Variants in PTPRD observed in about 807,000 individuals in gnomAD.
PTPRD encodes the protein protein tyrosine phosphatase receptor type D.
A neutral mutation model predicts 214.5 loss-of-function variants in PTPRD; 34 were observed. That is an observed-to-expected ratio of 0.16 (90% CI 0.12 to 0.21). The LOEUF (loss-of-function observed/expected upper bound fraction) is 0.21, where lower values mean the gene tolerates loss of function less well. Among genes scored for constraint, PTPRD ranks in the 10% least tolerant of loss-of-function variants. The probability of loss-of-function intolerance (pLI) is 1.00; values close to 1 mark genes in which losing one functional copy is unlikely to be tolerated. For missense variants in PTPRD, 2,545 were observed against 2,398.7 expected (o/e 1.06, Z -1.27); for synonymous variants, 1,128 against 845.7 (o/e 1.33, Z -5.79).
In PTPRD at chr9:10,329,721, C is replaced by T. The variant is rs181137244; in HGVS notation, c.-545+11242G>A. On this transcript the variant is annotated intron_variant, in intron 3 of 45. Transcript: ENST00000381196. ...GACACCTATAATCTTACAACATGCA[C>T]ACAACTTTACTGACTTACTACAGTG... Among the ~76,000 whole-genome samples, 37 of 151,944 alleles carry T rather than the reference C, an allele frequency of 2.4e-4. No homozygotes were observed. The East Asian group carries it at 6.4e-3, about 26-fold the overall frequency.
At position 10,562,659 on chromosome 9, in the gene PTPRD, T is replaced by C. The variant is rs185569651; in HGVS notation, c.-600+49739A>G. Among the ~76,000 whole-genome samples the C allele has an allele frequency of 5.3e-5, 8 of 152,268 alleles. No homozygotes were observed. In the East Asian group the frequency reaches 7.7e-4, roughly 15 times the overall value. ...TATTTTCCATATATTTATAGAAAAC[T>C]GTAATGTTAATTGTAATGTGCCATG... On this transcript the variant is annotated intron_variant, in intron 2 of 45. Transcript: ENST00000381196.
intron 12 of PTPRD, among the ~76,000 whole-genome samples, chr9:8,664,838 G>C (rs1025547): frequency 6.6e-6 from 1 of 151,968 alleles, no homozygotes; most frequent in Non-Finnish European, 1.5e-5. Flanking sequence ...TGAGTCCCAT[G>C]GTTTTATCAC....
At chr9:9,872,384 G>A (rs1231938821) in intron 5 of PTPRD, among the ~76,000 whole-genome samples, 1 of 152,056 alleles carries the variant, frequency 6.6e-6, no homozygotes, top group African/African-American at 2.4e-5. Flanking sequence ...AGAATTGCTT[G>A]AGCATAGGAG....
At chr9:9,952,070 G>A (rs2093505068) in intron 4 of PTPRD, among the ~76,000 whole-genome samples, 1 of 152,126 alleles carries the variant, frequency 6.6e-6, no homozygotes, top group Non-Finnish European at 1.5e-5. Context: ...CAGAGGCTGA[G>A]GATGGTAGTA....
intron 14 of PTPRD, among the ~76,000 whole-genome samples, chr9:8,563,200 TGA>T (rs1347980926): frequency 6.6e-6 from 1 of 152,024 alleles, no homozygotes; most frequent in Non-Finnish European, 1.5e-5. Flanking sequence ...AGTGACAGGG[TGA>T]TGACTGTTTG....
intron 7 of PTPRD, among the ~76,000 whole-genome samples, chr9:9,700,647 TAC>T (rs141436192): frequency 0.011 from 1,669 of 152,226 alleles, 29 homozygotes; most frequent in African/African-American, 0.038. Flanking sequence ...GATGATGAAT[TAC>T]AGTCATATAC....
chr9:9,610,353 T>C (rs1164283913), intron 7 of PTPRD, among the ~76,000 whole-genome samples: 3 of 152,176 alleles, frequency 2.0e-5, no homozygotes, highest in African/African-American at 7.2e-5. Context: ...GGTAAATTAG[T>C]ATTGAGTTAT....
intron 3 of PTPRD, among the ~76,000 whole-genome samples, chr9:10,188,170 C>T (rs999806369): frequency 6.6e-6 from 1 of 152,072 alleles, no homozygotes. Flanking sequence ...GCTATTCACC[C>T]TTTTCCTGCC....
At chr9:8,415,677 A>T (rs1484826066) in intron 35 of PTPRD, among the ~76,000 whole-genome samples, 1 of 152,182 alleles carries the variant, frequency 6.6e-6, no homozygotes, top group Non-Finnish European at 1.5e-5. Flanking sequence ...TCTGTGTATT[A>T]ACATATCTAA....
chr9:9,374,869 A>C (rs552808588), intron 9 of PTPRD, among the ~76,000 whole-genome samples: 1 of 152,202 alleles, frequency 6.6e-6, no homozygotes, highest in African/African-American at 2.4e-5. Flanking sequence ...CATGAAAGAA[A>C]TTATTGTTAT....
At chr9:8,697,619 C>T (rs2097950708) in intron 12 of PTPRD, among the ~76,000 whole-genome samples, 1 of 151,532 alleles carries the variant, frequency 6.6e-6, no homozygotes, top group African/African-American at 2.4e-5. Context: ...GATGAGTTTT[C>T]ACCATGTTGG....
chr9:10,607,430 T>C (rs2079734477), intron 2 of PTPRD, among the ~76,000 whole-genome samples: 1 of 151,944 alleles, frequency 6.6e-6, no homozygotes, highest in South Asian at 2.1e-4. Flanking sequence ...TAAGTCCTAT[T>C]TTGAAGAGAA....
intron 6 of PTPRD, among the ~76,000 whole-genome samples, chr9:9,745,286 C>T (rs1248142504): frequency 6.6e-6 from 1 of 151,968 alleles, no homozygotes; most frequent in Non-Finnish European, 1.5e-5. Context: ...ATGCTGTGGA[C>T]TATGCTAAAT....
rs139896045 is a variant in PTPRD at position 9,239,076 on chromosome 9, C to G, written c.-202-55713G>C. The stretch of plus-strand genomic sequence containing the variant: ...ACTCCTTCTTAGAAGAACTTGCAAT[C>G]TCCCTGTGCCCATGAGATGTAAATC... On this transcript the variant is annotated intron_variant, in intron 9 of 45. Coordinates refer to ENST00000381196, the MANE Select transcript of PTPRD (RefSeq NM_002839.4). Among the ~76,000 whole-genome samples the G allele has an allele frequency of 4.5e-3, 688 of 152,176 alleles. 3 individuals carry two copies. Among genetic ancestry groups the G allele is most frequent in the South Asian group, 4.8e-3 (23 of 4,826 alleles).
chr9:8,592,208 C>A (rs2094156890), intron 14 of PTPRD, among the ~76,000 whole-genome samples: 1 of 152,154 alleles, frequency 6.6e-6, no homozygotes, highest in Non-Finnish European at 1.5e-5. Flanking sequence ...CAATGCCCTC[C>A]TTCTAGCTCT....
At chr9:10,505,972 G>T (rs773555577) in intron 2 of PTPRD, among the ~76,000 whole-genome samples, 2 of 152,038 alleles carry the variant, frequency 1.3e-5, no homozygotes, top group Non-Finnish European at 2.9e-5. Flanking sequence ...TAGTCTTGAG[G>T]TATGTCAGCT....
intron 12 of PTPRD, among the ~76,000 whole-genome samples, chr9:8,717,685 A>G (rs1354570925): frequency 6.6e-6 from 1 of 152,152 alleles, no homozygotes; most frequent in Non-Finnish European, 1.5e-5. Context: ...TCACCTTCAC[A>G]TGTTTTTATT....
chr9:9,427,625 T>G (rs922647762), intron 8 of PTPRD, among the ~76,000 whole-genome samples: 5 of 152,096 alleles, frequency 3.3e-5, no homozygotes, highest in Non-Finnish European at 7.3e-5. Flanking sequence ...TTTACCAAAG[T>G]TGAAAAGAAG....
chr9:9,302,601 C>CTTTTTTTTTTTTTTTTTTTTTTTTTCTT (rs3047853), intron 9 of PTPRD, among the ~76,000 whole-genome samples: 4 of 111,884 alleles, frequency 3.6e-5, no homozygotes, highest in Non-Finnish European at 3.5e-5. Flanking sequence ...TTTTTTTTTT[C>CTTTTTTTTTTTTTTTTTTTTTTTTTCTT]TTTTTTTTTT....
Sources: gnomAD v4.1 joint callset for allele counts (sites outside exome capture counted in the v4.1 genomes callset) on GRCh38, gnomAD v4.1.1 for gene constraint, MANE v1.5 for transcripts, NCBI Gene and HGNC (gene_info 2026-07-23, HGNC 2026-07-21) for gene names.